The following PDE3A variants were observed in gnomAD, a reference collection of about 807,000 sequenced individuals.
PDE3A encodes cGMP-inhibited 3',5'-cyclic phosphodiesterase 3A.
PDE3A carries 43 observed loss-of-function variants against 98.3 expected under a neutral mutation model. The observed-to-expected ratio is 0.44, with a 90% CI of 0.34 to 0.56. PDE3A has a LOEUF of 0.56. Ranked by LOEUF, PDE3A falls within the 20% of genes least tolerant of loss-of-function variation. The pLI is 0.01. For missense variants in PDE3A, 1,427 were observed against 1,440.7 expected (o/e 0.99, Z 0.15); for synonymous variants, 663 against 567.9 (o/e 1.17, Z -2.38).
chr12:20,577,609 A>C (rs1196964250), intron 2 of PDE3A, among the ~76,000 whole-genome samples: 1 of 152,144 alleles, frequency 6.6e-6, no homozygotes, highest in African/African-American at 2.4e-5. Flanking sequence ...GTAATCTTGG[A>C]CCAGTCAAAT....
intron 1 of PDE3A, 25 bp downstream of exon 1, chr12:20,370,269 G>T (rs995619967): frequency 9.4e-6 from 14 of 1,493,366 alleles, no homozygotes; most frequent in Non-Finnish European, 9.8e-6. Context: ...CTCCTCTCTC[G>T]GCTCTTGGAA....
At chr12:20,449,648 G>T in intron 1 of PDE3A, 1 of 419,448 alleles carries the variant, frequency 2.4e-6, no homozygotes, top group South Asian at 6.8e-5. Flanking sequence ...TAGTCTACAA[G>T]TCGCTTTTCC....
chr12:20,403,087 T>C (rs1944164602), intron 1 of PDE3A, among the ~76,000 whole-genome samples: 1 of 152,240 alleles, frequency 6.6e-6, no homozygotes, highest in Non-Finnish European at 1.5e-5. Context: ...TGCTGTTACA[T>C]TGGTAACCAA....
intron 1 of PDE3A, among the ~76,000 whole-genome samples, chr12:20,385,391 G>A (rs1315404520): frequency 6.6e-6 from 1 of 151,874 alleles, no homozygotes; most frequent in Non-Finnish European, 1.5e-5. Context: ...CGATTCCTCA[G>A]GGATCTAGAA....
chr12:20,554,235 T>C (rs528950819), intron 1 of PDE3A, among the ~76,000 whole-genome samples: 4 of 151,932 alleles, frequency 2.6e-5, no homozygotes, highest in Admixed American at 1.3e-4. Flanking sequence ...AGGGTTTTTT[T>C]TCACCTCCTT....
chr12:20,577,724 CTCT>C lies in PDE3A; in HGVS notation c.1011+21022_1011+21024del, dbSNP rs575062173. Among the ~76,000 whole-genome samples the C allele has an allele frequency of 1.2e-4, 18 of 152,276 alleles. No individual in the cohort carries two copies. The South Asian group carries it at 1.5e-3, about 12-fold the overall frequency. On this transcript the variant is annotated intron_variant, in intron 2 of 15. Transcript: ENST00000359062. ...ATCTAGCTTGGATTACCTCTACTAT[CTCT>C]TCTTCTTTTATTTTGTGGTTGTGTT...
At chr12:20,610,213 C>G (rs1171553541) in intron 2 of PDE3A, among the ~76,000 whole-genome samples, 1 of 151,758 alleles carries the variant, frequency 6.6e-6, no homozygotes, top group African/African-American at 2.4e-5. Flanking sequence ...GGAAAAATAA[C>G]CTGATTAAAA....
intron 15 of PDE3A, among the ~76,000 whole-genome samples, chr12:20,671,786 G>T (rs550572221): frequency 2.8e-5 from 4 of 141,814 alleles, no homozygotes; most frequent in East Asian, 4.1e-4. Context: ...TTGAAAACTG[G>T]CACAAGACAG....
intron 1 of PDE3A, among the ~76,000 whole-genome samples, chr12:20,485,711 C>A (rs1281939970): frequency 1.3e-5 from 2 of 152,110 alleles, no homozygotes; most frequent in African/African-American, 2.4e-5. Context: ...GTTCTTATAA[C>A]CTTCTGACAT....
At chr12:20,555,754 C>T (rs994524241) in intron 1 of PDE3A, among the ~76,000 whole-genome samples, 7 of 152,166 alleles carry the variant, frequency 4.6e-5, no homozygotes, top group African/African-American at 1.7e-4. Flanking sequence ...TAAACTTTTA[C>T]CATTTTCTGT....
intron 4 of PDE3A, among the ~76,000 whole-genome samples, chr12:20,616,893 T>G (rs1258426401): frequency 4.6e-5 from 7 of 152,188 alleles, no homozygotes; most frequent in African/African-American, 9.6e-5. Context: ...TCTGAGGATA[T>G]TAATTCCAAT....
intron 10 of PDE3A, among the ~76,000 whole-genome samples, chr12:20,643,978 C>T (rs1944708938): frequency 6.6e-6 from 1 of 152,098 alleles, no homozygotes; most frequent in Non-Finnish European, 1.5e-5. Context: ...CCCAAACAGG[C>T]TCTGCCAACA....
chr12:20,534,034 A>T lies in PDE3A; in HGVS notation c.961-22626A>T, dbSNP rs368831670. ...AGGGGTGTTCCATATACCTGGCATG[A>T]TCCTCCAGCCCCCACTACCCGACCT... On this transcript the variant is annotated intron_variant, in intron 1 of 15. Transcript: ENST00000359062. 6.2e-4 allele frequency among the ~76,000 whole-genome samples: 94 copies of T among 152,112 alleles called. 2 individuals carry two copies. The South Asian group carries it at 0.019, about 30-fold the overall frequency.
chr12:20,422,323 A>C (rs201868572), intron 1 of PDE3A, among the ~76,000 whole-genome samples: 2 of 152,016 alleles, frequency 1.3e-5, no homozygotes, highest in East Asian at 3.9e-4. Context: ...CAGCCTGGGC[A>C]ACAGAGCGAG....
At chr12:20,469,132 A>G (rs12317699) in intron 1 of PDE3A, among the ~76,000 whole-genome samples, 1,902 of 152,286 alleles carry the variant, frequency 0.012, 46 homozygotes, top group African/African-American at 0.043. Context: ...TCACATGATT[A>G]CCATTATTAT....
chr12:20,591,805 C>G (rs755947319), intron 2 of PDE3A, among the ~76,000 whole-genome samples: 1 of 152,156 alleles, frequency 6.6e-6, no homozygotes. Context: ...ACTCATTTTT[C>G]TTGAGAACTG....
intron 1 of PDE3A, among the ~76,000 whole-genome samples, chr12:20,476,379 T>C (rs1422554437): frequency 6.6e-6 from 1 of 152,216 alleles, no homozygotes; most frequent in Non-Finnish European, 1.5e-5. Flanking sequence ...TTTTGCGGGA[T>C]ATATTTGATG....
intron 1 of PDE3A, among the ~76,000 whole-genome samples, chr12:20,423,308 A>G (rs147519278): frequency 0.015 from 2,214 of 152,224 alleles, 62 homozygotes; most frequent in African/African-American, 0.05. Context: ...TCCCAAATCA[A>G]TCCCTCTCTT....
chr12:20,374,577 T>C (rs139599245), intron 1 of PDE3A, among the ~76,000 whole-genome samples: 1 of 152,064 alleles, frequency 6.6e-6, no homozygotes, highest in Admixed American at 6.6e-5. Flanking sequence ...TTTGTGTGAA[T>C]TTGTTGTAGT....
Sources: allele counts gnomAD v4.1 joint callset (sites outside exome capture counted in the v4.1 genomes callset), GRCh38; gene constraint gnomAD v4.1.1; transcripts MANE v1.5; gene names NCBI Gene and HGNC (gene_info 2026-07-23, HGNC 2026-07-21).